RDX: variants seen among roughly 807,000 people sequenced by gnomAD.
RDX encodes deafness, autosomal recessive 24.
In RDX, 32 loss-of-function variants were observed where a neutral mutation model predicts 83.7. That is an observed-to-expected ratio of 0.38 (90% CI 0.29 to 0.51). The LOEUF is 0.51. Among genes scored for constraint, RDX ranks in the 20% least tolerant of loss-of-function variants. The probability of loss-of-function intolerance (pLI) is 0.87; values close to 1 mark genes in which losing one functional copy is unlikely to be tolerated. For missense variants in RDX, 600 were observed against 689.9 expected (o/e 0.87, Z 1.46); for synonymous variants, 229 against 222.7 (o/e 1.03, Z -0.25).
intron 14 of RDX, among the ~76,000 whole-genome samples, chr11:110,209,404 G>T (rs929046850): frequency 6.6e-6 from 1 of 151,406 alleles, no homozygotes; most frequent in Non-Finnish European, 1.5e-5. Flanking sequence ...CGGCAGCGAG[G>T]CTGGGGGAGG....
intron 10 of RDX, among the ~76,000 whole-genome samples, chr11:110,244,478 T>G (rs1865229547): frequency 6.6e-6 from 1 of 151,958 alleles, no homozygotes; most frequent in Admixed American, 6.6e-5. Context: ...AGACCACATT[T>G]TGCATGATTC....
At position 110,237,583 on chromosome 11, in the gene RDX, T is replaced by C; in HGVS notation, c.1160A>G (p.Glu387Gly). Residue 387 changes from glutamate to glycine, a missense_variant, in exon 11 of 14, where the codon GAA (glutamate) becomes GGA (glycine). Coordinates refer to ENST00000645495, the MANE Select transcript of RDX (RefSeq NM_002906.4). ...AGCTCGACGCTCCTTTTCAAGTCGT[T>C]CTGCTTCTTCTTTTGCTCGTTTTCG... ...QERKRAKEEA[E>G]RLEKERRAAE... The C allele has an allele frequency of 6.2e-7, 1 of 1,614,212 alleles. No individual in the cohort carries two copies. Among genetic ancestry groups the C allele is most frequent in the Non-Finnish European group, 8.5e-7 (1 of 1,180,048 alleles).
chr11:110,236,661 C>T (rs1326269269), intron 11 of RDX: 1 of 163,896 alleles, frequency 6.1e-6, no homozygotes, highest in African/African-American at 2.4e-5. Flanking sequence ...CGTTCTGTCA[C>T]CCAGGCTGGA....
chr11:110,248,588 A>T (rs146193042), intron 9 of RDX, among the ~76,000 whole-genome samples: 95 of 152,324 alleles, frequency 6.2e-4, no homozygotes, highest in Non-Finnish European at 1.1e-3. Context: ...ACATGCTTAT[A>T]AGGCACACTT....
intron 10 of RDX, among the ~76,000 whole-genome samples, chr11:110,239,693 C>A (rs547069574): frequency 6.6e-6 from 1 of 151,770 alleles, no homozygotes; most frequent in East Asian, 1.9e-4. Context: ...AGGTGGCTCA[C>A]GCCTGTAAAT....
At chr11:110,211,173 G>A (rs1863822113) in intron 14 of RDX, among the ~76,000 whole-genome samples, 1 of 152,096 alleles carries the variant, frequency 6.6e-6, no homozygotes, top group Admixed American at 6.5e-5. Flanking sequence ...ACAAAAAAAG[G>A]CAGGGGTTGC....
At chr11:110,284,543 G>A (rs1860899767) in intron 1 of RDX, among the ~76,000 whole-genome samples, 2 of 146,732 alleles carry the variant, frequency 1.4e-5, no homozygotes, top group South Asian at 4.3e-4. Flanking sequence ...TTTTTTTTGA[G>A]ATGGTCTCGC....
intron 3 of RDX, among the ~76,000 whole-genome samples, chr11:110,268,491 A>C (rs912258673): frequency 2.0e-5 from 3 of 152,198 alleles, no homozygotes; most frequent in African/African-American, 7.2e-5. Flanking sequence ...TGCCATAGAA[A>C]ACATTCAAGC....
At chr11:110,287,450 G>T (rs531782845) in intron 1 of RDX, among the ~76,000 whole-genome samples, 77 of 152,258 alleles carry the variant, frequency 5.1e-4, no homozygotes, top group African/African-American at 1.8e-3. Context: ...AAATAAAGAT[G>T]TAACTTTTTC....
At chr11:110,285,551 T>C (rs1231627153) in intron 1 of RDX, among the ~76,000 whole-genome samples, 1 of 151,436 alleles carries the variant, frequency 6.6e-6, no homozygotes, top group Non-Finnish European at 1.5e-5. Context: ...CTGTCTCTAG[T>C]AAAAATAAAA....
chr11:110,283,436 A>T (rs890362607), intron 1 of RDX, among the ~76,000 whole-genome samples: 12 of 152,338 alleles, frequency 7.9e-5, no homozygotes, highest in Admixed American at 3.3e-4. Context: ...GATGTGAGCC[A>T]CCACACACAC....
intron 14 of RDX, among the ~76,000 whole-genome samples, chr11:110,211,866 C>A (rs1277172967): frequency 1.3e-5 from 2 of 150,600 alleles, no homozygotes; most frequent in Non-Finnish European, 3.0e-5. Flanking sequence ...GCACTAAATG[C>A]CCACAAGAGA....
chr11:110,267,807 TTAGC>T, intron 3 of RDX, among the ~76,000 whole-genome samples: 1 of 148,228 alleles, frequency 6.7e-6, no homozygotes, highest in Non-Finnish European at 1.5e-5. Context: ...AAAAAAAAAA[TTAGC>T]TAAGTAGTCA....
intron 11 of RDX, chr11:110,236,526 T>C (rs1030668415): frequency 1.1e-5 from 3 of 267,168 alleles, no homozygotes; most frequent in Non-Finnish European, 1.4e-5. Flanking sequence ...AAAATATTTA[T>C]CTAATGCTAT....
chr11:110,274,424 CTG>C (rs1280631793), intron 2 of RDX, among the ~76,000 whole-genome samples: 1 of 152,150 alleles, frequency 6.6e-6, no homozygotes, highest in African/African-American at 2.4e-5. Flanking sequence ...TGTATTATAA[CTG>C]CACGATATTT....
At chr11:110,258,019 CT>C (rs1859616432) in intron 6 of RDX, 86 bp downstream of exon 6, 1 of 1,487,848 alleles carries the variant, frequency 6.7e-7, no homozygotes, top group African/African-American at 1.4e-5. Context: ...GTCAAACAAT[CT>C]TTTGGAAATA....
intron 2 of RDX, among the ~76,000 whole-genome samples, chr11:110,276,236 T>C (rs1264303398): frequency 2.0e-5 from 3 of 152,200 alleles, no homozygotes; most frequent in Non-Finnish European, 4.4e-5. Flanking sequence ...TGAATGAAAA[T>C]AATACAGGGT....
chr11:110,259,984 C>G (rs1345693350), intron 5 of RDX, among the ~76,000 whole-genome samples: 1 of 151,262 alleles, frequency 6.6e-6, no homozygotes, highest in Non-Finnish European at 1.5e-5. Flanking sequence ...GGTAACTGTT[C>G]TTCTTTTTTT....
chr11:110,285,304 G>A (rs947257388), intron 1 of RDX, among the ~76,000 whole-genome samples: 2 of 152,088 alleles, frequency 1.3e-5, no homozygotes, highest in African/African-American at 2.4e-5. Context: ...AGAATTGCAC[G>A]AACCTGGGAG....
Sources: allele counts gnomAD v4.1 joint callset (sites outside exome capture counted in the v4.1 genomes callset), GRCh38; gene constraint gnomAD v4.1.1; transcripts MANE v1.5; gene names NCBI Gene and HGNC (gene_info 2026-07-23, HGNC 2026-07-21).